GPAT4: variants seen among roughly 807,000 people sequenced by gnomAD.
GPAT4 encodes glycerol-3-phosphate acyltransferase 4.
In GPAT4, 17 loss-of-function variants were observed where a neutral mutation model predicts 58.0. The ratio of observed to expected loss-of-function variants is 0.29; its 90% CI spans 0.20 to 0.44. The LOEUF is 0.44. Among genes scored for constraint, GPAT4 ranks in the 20% least tolerant of loss-of-function variants. The pLI, the probability that GPAT4 is intolerant of heterozygous loss-of-function variation, is 1.00. For missense variants in GPAT4, 377 were observed against 574.5 expected (o/e 0.66, Z 3.51); for synonymous variants, 204 against 210.1 (o/e 0.97, Z 0.25).
chr8:41,589,365 TGGG>T (rs1245160586), intron 1 of GPAT4, among the ~76,000 whole-genome samples: 16 of 2,230 alleles, frequency 7.2e-3, no homozygotes, highest in African/African-American at 0.042. Flanking sequence ...TGTGGCGGGA[TGGG>T]ATGGGGTGGG....
At chr8:41,616,476 G>A (rs898152060) in intron 10 of GPAT4, among the ~76,000 whole-genome samples, 9 of 152,234 alleles carry the variant, frequency 5.9e-5, no homozygotes, top group African/African-American at 2.2e-4. Flanking sequence ...TTTAATTTTT[G>A]TAGAGACGGA....
In GPAT4 at chr8:41,614,953, T is replaced by G. The variant is rs1803553091; in HGVS notation, c.968-10T>G. The G allele has an allele frequency of 6.2e-7, 1 of 1,612,302 alleles. No individual in the cohort carries two copies. Among genetic ancestry groups the G allele is most frequent in the Admixed American group, 1.7e-5 (1 of 59,982 alleles). On this transcript the variant is annotated splice_polypyrimidine_tract_variant and intron_variant, in intron 9 of 12. Coordinates refer to ENST00000396987, the MANE Select transcript of GPAT4 (RefSeq NM_178819.4). ...ACAGAAATAGCATTTTATTGTCTCC[T>G]GCATTTTAGGAACCTGCATCAATAA...
chr8:41,584,502 A>G (rs1350606880), intron 1 of GPAT4, among the ~76,000 whole-genome samples: 1 of 152,204 alleles, frequency 6.6e-6, no homozygotes, highest in African/African-American at 2.4e-5. Flanking sequence ...CTGTTGACAC[A>G]TGCAGCAACA....
At chr8:41,579,870 A>T (rs1020897877) in intron 1 of GPAT4, among the ~76,000 whole-genome samples, 4 of 151,998 alleles carry the variant, frequency 2.6e-5, no homozygotes, top group Non-Finnish European at 5.9e-5. Context: ...AGTGTTTCAG[A>T]TCTGGATGAG....
At chr8:41,604,121 G>C (rs1803189436) in intron 2 of GPAT4, among the ~76,000 whole-genome samples, 1 of 139,460 alleles carries the variant, frequency 7.2e-6, no homozygotes, top group South Asian at 2.3e-4. Context: ...GTGTTTACTT[G>C]TTGTTGTGTG....
At chr8:41,607,290 T>C (rs1299804230) in intron 2 of GPAT4, among the ~76,000 whole-genome samples, 2 of 152,198 alleles carry the variant, frequency 1.3e-5, no homozygotes, top group Non-Finnish European at 2.9e-5. Context: ...TTTTGTCATG[T>C]TCCTGAAATT....
At chr8:41,618,649 C>G in intron 10 of GPAT4, 35 bp from the exon 11 acceptor site, 2 of 1,612,394 alleles carry the variant, frequency 1.2e-6, no homozygotes, top group Non-Finnish European at 1.7e-6. Flanking sequence ...GTGAGAACTA[C>G]TCATGTCTTA....
intron 1 of GPAT4, among the ~76,000 whole-genome samples, chr8:41,579,844 AAAAG>A (rs746265958): frequency 3.3e-5 from 5 of 152,302 alleles, no homozygotes; most frequent in African/African-American, 4.8e-5. Flanking sequence ...GTCAAAAAAA[AAAAG>A]AAAAGAAAAA....
At chr8:41,582,547 C>G (rs1230493093) in intron 1 of GPAT4, among the ~76,000 whole-genome samples, 1 of 151,748 alleles carries the variant, frequency 6.6e-6, no homozygotes, top group Non-Finnish European at 1.5e-5. Flanking sequence ...TTGATCAGTG[C>G]TGTCCCATAG....
chr8:41,605,396 A>C (rs1157767067), intron 2 of GPAT4, among the ~76,000 whole-genome samples: 3 of 152,254 alleles, frequency 2.0e-5, no homozygotes, highest in Non-Finnish European at 2.9e-5. Flanking sequence ...AGAAGGATAG[A>C]GCATTCTAGA....
In GPAT4 at chr8:41,602,014, G is replaced by A. The variant is rs145005682; in HGVS notation, c.165+2710G>A. On this transcript the variant is annotated intron_variant, in intron 2 of 12. Coordinates refer to ENST00000396987, the MANE Select transcript of GPAT4 (RefSeq NM_178819.4). ...CTTTTGCCCAGGCTGGAGTGCAGTG[G>A]CATGATCTTGGCCCACTGCAGCCTC... 6.5e-3 allele frequency among the ~76,000 whole-genome samples: 995 copies of A among 152,314 alleles called. 9 individuals are homozygous for A. The highest frequency in any genetic ancestry group is 0.023 in the African/African-American group (944 of 41,568).
In GPAT4 at chr8:41,623,215, G is replaced by A. The variant is rs905536788; in HGVS notation, c.*2214G>A. On this transcript the variant is annotated 3_prime_UTR_variant, in exon 13 of 13. Transcript: ENST00000396987. ...CAGAAACGTAACCTCCCCTTTCCGT[G>A]TATGCCTTTTACCATCATCCAGGCG... is the stretch of plus-strand genomic sequence containing the variant. 2.6e-5 allele frequency: 4 copies of A among 152,214 alleles called. No homozygotes were observed. The highest frequency in any genetic ancestry group is 9.7e-5 in the African/African-American group (4 of 41,446). 9.4% of individuals were successfully genotyped at this position (152,214 alleles called of 1,614,324 possible).
At chr8:41,589,023 G>T (rs1802724179) in intron 1 of GPAT4, among the ~76,000 whole-genome samples, 1 of 152,212 alleles carries the variant, frequency 6.6e-6, no homozygotes, top group African/African-American at 2.4e-5. Context: ...AAGGGGTCAT[G>T]CTTATATTTA....
chr8:41,616,622 G>A (rs1803602205), intron 10 of GPAT4, among the ~76,000 whole-genome samples: 1 of 152,146 alleles, frequency 6.6e-6, no homozygotes, highest in South Asian at 2.1e-4. Flanking sequence ...AACATGTTCT[G>A]GGTGGCATTG....
In GPAT4 at chr8:41,610,006, G is replaced by A. The variant is rs767043106; in HGVS notation, c.536+51G>A. The A allele has an allele frequency of 3.2e-6, 5 of 1,550,826 alleles. No individual in the cohort carries two copies. In the East Asian group the frequency reaches 1.1e-4, roughly 35 times the overall value. On this transcript the variant is annotated intron_variant, in intron 4 of 12. Transcript: ENST00000396987. ...GCTCGCTGCTGCCACCCCACGTGGT[G>A]CACAGCCCACCTGCCTGCTCTGCTG...
chr8:41,612,112 G>A, intron 6 of GPAT4, 68 bp from the exon 7 acceptor site: 2 of 1,586,786 alleles, frequency 1.3e-6, no homozygotes, highest in East Asian at 4.5e-5. Context: ...AAGCATGTGA[G>A]GTGAGAGGTG....
chr8:41,593,964 C>A (rs546265017), intron 1 of GPAT4, among the ~76,000 whole-genome samples: 3 of 152,264 alleles, frequency 2.0e-5, no homozygotes, highest in South Asian at 2.1e-4. Flanking sequence ...TTTGACAATG[C>A]TTCCTGGATG....
rs1256162937 is a variant in GPAT4 at position 41,618,672 on chromosome 8, C to T, written c.1054-12C>T. On this transcript the variant is annotated splice_polypyrimidine_tract_variant and intron_variant, in intron 10 of 12. Transcript: ENST00000396987. ...TACTCATGTCTTACCTCCAGCTTTC[C>T]ATTGTTTTCAGTATGACCCTCAATT... 6.2e-7 allele frequency: 1 copy of T among 1,613,762 alleles called. No individual in the cohort carries two copies.
intron 1 of GPAT4, among the ~76,000 whole-genome samples, chr8:41,586,852 G>A (rs1802666998): frequency 6.6e-6 from 1 of 152,212 alleles, no homozygotes; most frequent in African/African-American, 2.4e-5. Flanking sequence ...CCTTAACCCA[G>A]TAGTCTCAAC....
Sources: gnomAD v4.1 joint callset for allele counts (sites outside exome capture counted in the v4.1 genomes callset) on GRCh38, gnomAD v4.1.1 for gene constraint, MANE v1.5 for transcripts, NCBI Gene and HGNC (gene_info 2026-07-23, HGNC 2026-07-21) for gene names.